Variants in PRKCE observed in about 807,000 individuals in gnomAD.
The protein encoded by PRKCE is protein kinase C epsilon.
PRKCE carries 16 observed loss-of-function variants against 85.4 expected under a neutral mutation model. That is an observed-to-expected ratio of 0.19 (90% CI 0.13 to 0.28). PRKCE has a LOEUF of 0.28. Among genes scored for constraint, PRKCE ranks in the 10% least tolerant of loss-of-function variants. PRKCE has a pLI of 1.00. For synonymous variants in PRKCE, 388 were observed against 371.5 expected (o/e 1.04, Z -0.51); for missense variants, 573 against 975.2 (o/e 0.59, Z 5.49).
At chr2:46,122,920 A>G (rs1000524896) in intron 11 of PRKCE, among the ~76,000 whole-genome samples, 4 of 136,910 alleles carry the variant, frequency 2.9e-5, no homozygotes, top group African/African-American at 1.1e-4. Flanking sequence ...TACACCAACC[A>G]GCACTAGTCA....
At chr2:46,113,026 G>A (rs947877849) in intron 11 of PRKCE, among the ~76,000 whole-genome samples, 2 of 152,134 alleles carry the variant, frequency 1.3e-5, no homozygotes, top group Non-Finnish European at 1.5e-5. Flanking sequence ...GGCTTAAATA[G>A]GACAATGCAT....
At chr2:45,958,453 G>C (rs1369909906) in intron 2 of PRKCE, among the ~76,000 whole-genome samples, 1 of 149,736 alleles carries the variant, frequency 6.7e-6, no homozygotes, top group East Asian at 2.0e-4. Context: ...AGCTTGCAGT[G>C]AGCTGAGATC....
intron 1 of PRKCE, among the ~76,000 whole-genome samples, chr2:45,678,908 G>T (rs1239970788): frequency 1.3e-5 from 2 of 152,122 alleles, no homozygotes; most frequent in Non-Finnish European, 1.5e-5. Context: ...GTTCATCCTT[G>T]TTGAGGCCTA....
chr2:45,917,369 A>G (rs1028387647), intron 2 of PRKCE, among the ~76,000 whole-genome samples: 2 of 151,834 alleles, frequency 1.3e-5, no homozygotes, highest in African/African-American at 2.4e-5. Context: ...CAGAGTGCCA[A>G]TTGGTGTATT....
intron 14 of PRKCE, among the ~76,000 whole-genome samples, chr2:46,160,925 G>A (rs1410252820): frequency 1.3e-5 from 2 of 152,240 alleles, no homozygotes; most frequent in East Asian, 1.9e-4. Context: ...ACTCGAGCAC[G>A]TGGGGTTGAA....
intron 11 of PRKCE, among the ~76,000 whole-genome samples, chr2:46,141,542 C>A (rs756388348): frequency 6.6e-6 from 1 of 152,088 alleles, no homozygotes; most frequent in Non-Finnish European, 1.5e-5. Context: ...TTACTGCATG[C>A]CCTTTCATAC....
intron 6 of PRKCE, among the ~76,000 whole-genome samples, chr2:45,999,701 T>C (rs1704511412): frequency 6.6e-6 from 1 of 152,158 alleles, no homozygotes; most frequent in Non-Finnish European, 1.5e-5. Flanking sequence ...AATATTTTTT[T>C]CTGTTCCTTT....
intron 14 of PRKCE, among the ~76,000 whole-genome samples, chr2:46,167,300 G>T (rs186173429): frequency 1.2e-4 from 18 of 152,260 alleles, no homozygotes; most frequent in African/African-American, 4.1e-4. Context: ...TACCACCTGG[G>T]GTTGCTGTGA....
intron 1 of PRKCE, among the ~76,000 whole-genome samples, chr2:45,816,915 A>T (rs917024703): frequency 3.3e-5 from 5 of 152,208 alleles, no homozygotes; most frequent in African/African-American, 1.2e-4. Flanking sequence ...GGGTTTTGTG[A>T]GGATGAAATG....
intron 10 of PRKCE, among the ~76,000 whole-genome samples, chr2:46,074,615 G>A (rs1346329499): frequency 6.6e-6 from 1 of 152,076 alleles, no homozygotes; most frequent in Admixed American, 6.5e-5. Context: ...ACCTCTGTAG[G>A]TTTTGCTTTT....
chr2:45,959,226 A>T (rs992597408), intron 2 of PRKCE, among the ~76,000 whole-genome samples: 2 of 152,110 alleles, frequency 1.3e-5, no homozygotes, highest in African/African-American at 4.8e-5. Flanking sequence ...ACTTCCAAGG[A>T]ATTATTTGTG....
chr2:45,689,291 T>C (rs1206274563), intron 1 of PRKCE, among the ~76,000 whole-genome samples: 12 of 152,180 alleles, frequency 7.9e-5, no homozygotes, highest in Admixed American at 7.9e-4. Context: ...GGAACAGATT[T>C]CAGGTAACCT....
intron 2 of PRKCE, among the ~76,000 whole-genome samples, chr2:45,854,949 G>T (rs1423395395): frequency 6.6e-6 from 1 of 152,232 alleles, no homozygotes; most frequent in East Asian, 1.9e-4. Context: ...TCTCCAATAA[G>T]CAGAGCTCAC....
At chr2:45,659,413 C>G (rs187364265) in intron 1 of PRKCE, among the ~76,000 whole-genome samples, 128 of 152,298 alleles carry the variant, frequency 8.4e-4, no homozygotes, top group Middle Eastern at 6.8e-3. Flanking sequence ...CACTTGGGTC[C>G]AAGTCACTAT....
intron 1 of PRKCE, among the ~76,000 whole-genome samples, chr2:45,810,469 A>G (rs1042326860): frequency 3.3e-5 from 5 of 152,258 alleles, no homozygotes; most frequent in Admixed American, 6.5e-5. Context: ...GGTTCAAAGA[A>G]GGACTAAATA....
chr2:46,104,010 A>G (rs894034475), intron 11 of PRKCE, among the ~76,000 whole-genome samples: 24 of 152,192 alleles, frequency 1.6e-4, no homozygotes, highest in African/African-American at 5.8e-4. Context: ...TTTCTAAACT[A>G]TACCAATTCT....
At chr2:46,070,119 A>C (rs1667949182) in intron 10 of PRKCE, among the ~76,000 whole-genome samples, 1 of 152,206 alleles carries the variant, frequency 6.6e-6, no homozygotes, top group Non-Finnish European at 1.5e-5. Flanking sequence ...CACTGTATGA[A>C]AGACATGACA....
In PRKCE at chr2:46,159,479, A is replaced by G; in HGVS notation, c.1921-127A>G. 1.0e-6 allele frequency: 1 copy of G among 986,834 alleles called. No individual in the cohort carries two copies. The highest frequency in any genetic ancestry group is 1.5e-6 in the Non-Finnish European group (1 of 687,410). The allele number at this position is 986,834 out of a possible 1,614,324, so 61.1% of individuals were successfully genotyped here. The stretch of plus-strand genomic sequence containing the variant: ...GAAAACCCAACAGATGTGGCCCTTG[A>G]AAGTGCAAAGAACAGACTTGGGAGG... On this transcript the variant is annotated intron_variant, in intron 13 of 14. Coordinates refer to ENST00000306156, the MANE Select transcript of PRKCE (RefSeq NM_005400.3). The surrounding 1 kb of genome is among the most constrained non-coding windows in gnomAD (Gnocchi z 4.1).
intron 9 of PRKCE, among the ~76,000 whole-genome samples, chr2:46,008,859 A>AC (rs745670474): frequency 3.9e-5 from 6 of 152,228 alleles, no homozygotes; most frequent in African/African-American, 7.2e-5. Context: ...GGGAACTTAG[A>AC]TGACTTTGGA....
Sources: allele counts gnomAD v4.1 joint callset (sites outside exome capture counted in the v4.1 genomes callset), GRCh38; gene constraint gnomAD v4.1.1; non-coding constraint Gnocchi (gnomAD v3.1); transcripts MANE v1.5; gene names NCBI Gene and HGNC (gene_info 2026-07-23, HGNC 2026-07-21).